Variants in CDH13 observed in about 807,000 individuals in gnomAD.
The protein encoded by CDH13 is cadherin-13.
A neutral mutation model predicts 63.8 loss-of-function variants in CDH13; 24 were observed. The observed-to-expected ratio is 0.38, with a 90% CI of 0.27 to 0.53. The LOEUF is 0.53. CDH13 is among the 20% of genes least tolerant of loss of function. The pLI, the probability that CDH13 is intolerant of heterozygous loss-of-function variation, is 0.85. For missense variants in CDH13, 1,049 were observed against 903.1 expected (o/e 1.16, Z -2.07); for synonymous variants, 503 against 355.3 (o/e 1.42, Z -4.67).
At chr16:83,458,262 G>C (rs1306367643) in intron 6 of CDH13, among the ~76,000 whole-genome samples, 1 of 152,144 alleles carries the variant, frequency 6.6e-6, no homozygotes, top group African/African-American at 2.4e-5. Flanking sequence ...TTCCTTTGTT[G>C]ATCTGTTATT....
intron 2 of CDH13, among the ~76,000 whole-genome samples, chr16:83,018,590 T>G (rs188174454): frequency 8.5e-4 from 130 of 152,316 alleles, no homozygotes; most frequent in African/African-American, 3.1e-3. Context: ...TAACCTGAAT[T>G]GCTTTAGGCC....
At chr16:82,996,470 G>A (rs1394136887) in intron 2 of CDH13, among the ~76,000 whole-genome samples, 1 of 152,112 alleles carries the variant, frequency 6.6e-6, no homozygotes, top group Non-Finnish European at 1.5e-5. Flanking sequence ...TCTCTGCCGG[G>A]CTAGTCTCCA....
At chr16:83,374,937 A>C (rs976611715) in intron 6 of CDH13, among the ~76,000 whole-genome samples, 8 of 152,204 alleles carry the variant, frequency 5.3e-5, no homozygotes, top group African/African-American at 1.9e-4. Context: ...TTGAAGTGCA[A>C]AGGGTTTGAG....
chr16:82,868,238 G>A (rs1214997750), intron 2 of CDH13, among the ~76,000 whole-genome samples: 2 of 152,160 alleles, frequency 1.3e-5, no homozygotes, highest in African/African-American at 2.4e-5. Flanking sequence ...GATACATCGG[G>A]TCAGAATGTG....
chr16:82,996,359 A>G (rs1353939679), intron 2 of CDH13, among the ~76,000 whole-genome samples: 1 of 152,210 alleles, frequency 6.6e-6, no homozygotes, highest in Non-Finnish European at 1.5e-5. Context: ...CTTTATGACT[A>G]CAGAAATGTC....
intron 6 of CDH13, among the ~76,000 whole-genome samples, chr16:83,370,836 T>C (rs1201287304): frequency 6.6e-6 from 1 of 152,226 alleles, no homozygotes; most frequent in Non-Finnish European, 1.5e-5. Context: ...TATTCCACAT[T>C]ATATATGTAC....
At chr16:83,062,823 A>G (rs1416710736) in intron 3 of CDH13, among the ~76,000 whole-genome samples, 1 of 152,182 alleles carries the variant, frequency 6.6e-6, no homozygotes, top group Non-Finnish European at 1.5e-5. Flanking sequence ...TTCACCTGGT[A>G]ACTTAGCTAG....
chr16:83,452,052 C>T (rs1047015675), intron 6 of CDH13, among the ~76,000 whole-genome samples: 2 of 152,072 alleles, frequency 1.3e-5, no homozygotes, highest in African/African-American at 4.8e-5. Context: ...CCTCATCTGC[C>T]CGGTCAGCCC....
chr16:83,217,612 T>C, intron 5 of CDH13, 115 bp downstream of exon 5: 2 of 1,033,412 alleles, frequency 1.9e-6, no homozygotes, highest in Non-Finnish European at 2.8e-6. Flanking sequence ...ACTGCATGGC[T>C]TTAGGGTGTT....
chr16:82,710,560 T>A (rs1424831224), intron 1 of CDH13, among the ~76,000 whole-genome samples: 1,457 of 115,000 alleles, frequency 0.013, 19 homozygotes, highest in Non-Finnish European at 0.016. Context: ...AAAATATATA[T>A]ATATATATAT....
At chr16:83,746,724 A>C (rs1912620655) in intron 10 of CDH13, among the ~76,000 whole-genome samples, 1 of 152,218 alleles carries the variant, frequency 6.6e-6, no homozygotes, top group Non-Finnish European at 1.5e-5. Context: ...GATGGGTAGG[A>C]AATGGCAGCA....
intron 5 of CDH13, among the ~76,000 whole-genome samples, chr16:83,223,445 G>A (rs941028280): frequency 2.6e-5 from 4 of 152,200 alleles, no homozygotes; most frequent in Non-Finnish European, 4.4e-5. Flanking sequence ...CATTACATTG[G>A]CTATTACATT....
intron 3 of CDH13, among the ~76,000 whole-genome samples, chr16:83,119,195 T>C (rs1011862075): frequency 6.6e-6 from 1 of 152,218 alleles, no homozygotes; most frequent in Non-Finnish European, 1.5e-5. Flanking sequence ...TTCTGGTTTT[T>C]CTGCTACGCT....
chr16:83,605,623 C>G (rs564205612), intron 8 of CDH13, among the ~76,000 whole-genome samples: 1 of 152,112 alleles, frequency 6.6e-6, no homozygotes, highest in South Asian at 2.1e-4. Flanking sequence ...CCAGTATTTT[C>G]TAAAGTATAG....
chr16:82,910,955 G>C (rs1023355006), intron 2 of CDH13, among the ~76,000 whole-genome samples: 56 of 152,140 alleles, frequency 3.7e-4, no homozygotes, highest in African/African-American at 1.3e-3. Flanking sequence ...TCTTTGAGGT[G>C]AGCAATGCCC....
chr16:83,469,231 G>C (rs1347002002), intron 6 of CDH13, among the ~76,000 whole-genome samples: 1 of 152,154 alleles, frequency 6.6e-6, no homozygotes, highest in Non-Finnish European at 1.5e-5. Flanking sequence ...GAGCCTGAAA[G>C]TTCCCAACTC....
intron 6 of CDH13, among the ~76,000 whole-genome samples, chr16:83,375,704 G>A (rs949803924): frequency 3.3e-5 from 5 of 152,188 alleles, no homozygotes; most frequent in African/African-American, 1.2e-4. Context: ...AGGCTCCCAG[G>A]CAGAAAGTGA....
chr16:83,033,061 A>G (rs1349644150), intron 3 of CDH13, among the ~76,000 whole-genome samples: 2 of 152,180 alleles, frequency 1.3e-5, no homozygotes, highest in Non-Finnish European at 2.9e-5. Flanking sequence ...TGTGTATACC[A>G]TATACAGGCA....
At chr16:83,232,428 G>C (rs2040025085) in intron 5 of CDH13, among the ~76,000 whole-genome samples, 1 of 151,818 alleles carries the variant, frequency 6.6e-6, no homozygotes, top group African/African-American at 2.4e-5. Context: ...GGGAGGCTGA[G>C]GCAGGAGAAT....
Sources: gnomAD v4.1 joint callset for allele counts (sites outside exome capture counted in the v4.1 genomes callset) on GRCh38, gnomAD v4.1.1 for gene constraint, MANE v1.5 for transcripts, NCBI Gene and HGNC (gene_info 2026-07-23, HGNC 2026-07-21) for gene names.